Variants in RNASEH2A observed in about 807,000 individuals in gnomAD.
RNASEH2A encodes the protein ribonuclease H2 subunit A.
RNASEH2A carries 30 observed loss-of-function variants against 32.7 expected under a neutral mutation model. The ratio of observed to expected loss-of-function variants is 0.92; its 90% CI spans 0.69 to 1.25. RNASEH2A has a LOEUF of 1.25. Ranked by LOEUF, RNASEH2A falls within the 50% of genes most tolerant of loss-of-function variation. The pLI is 0.00. For synonymous variants in RNASEH2A, 147 were observed against 165.4 expected (o/e 0.89, Z 0.86); for missense variants, 409 against 398.1 (o/e 1.03, Z -0.23).
intron 2 of RNASEH2A, 26 bp downstream of exon 2, chr19:12,807,105 A>C (rs917072214): frequency 1.1e-5 from 17 of 1,613,830 alleles, no homozygotes; most frequent in Non-Finnish European, 1.4e-5. Context: ...GCGTCTGGGG[A>C]AGGGATTCCT....
At chr19:12,809,237 A>G (rs1270941799) in intron 4 of RNASEH2A, among the ~76,000 whole-genome samples, 1 of 152,182 alleles carries the variant, frequency 6.6e-6, no homozygotes, top group Non-Finnish European at 1.5e-5. Context: ...AAAATAAAAC[A>G]TGAAAGATGG....
intron 4 of RNASEH2A, among the ~76,000 whole-genome samples, chr19:12,809,099 G>T (rs1969036564): frequency 6.6e-6 from 1 of 152,110 alleles, no homozygotes; most frequent in South Asian, 2.1e-4. Context: ...TGGAGGTTGG[G>T]CGCAGTAGCT....
rs769446763 is a variant in RNASEH2A, at chr19:12,813,506, A to C, written c.*40A>C. ...CGCTCTACCTGCTTCCCCAACCCAGACATTAAAATTGTTTAAGGAGAACCA... is the reference window on the plus strand; with the variant it reads ...CGCTCTACCTGCTTCCCCAACCCAGCCATTAAAATTGTTTAAGGAGAACCA... On this transcript the variant is annotated 3_prime_UTR_variant, in exon 8 of 8. Coordinates refer to ENST00000221486, the MANE Select transcript of RNASEH2A (RefSeq NM_006397.3). 6.2e-7 allele frequency: 1 copy of C among 1,608,940 alleles called. No homozygotes were observed. Among genetic ancestry groups the C allele is most frequent in the Admixed American group, 1.7e-5 (1 of 59,976 alleles).
chr19:12,808,003 C>T (rs151089300), intron 4 of RNASEH2A: 16 of 201,988 alleles, frequency 7.9e-5, no homozygotes, highest in Admixed American at 1.1e-4. Flanking sequence ...GTAATCCCAG[C>T]GTTTCAGGAG....
chr19:12,806,875 A>T (rs764243671), intron 1 of RNASEH2A, 75 bp downstream of exon 1: 3 of 1,596,898 alleles, frequency 1.9e-6, no homozygotes, highest in African/African-American at 1.3e-5. Flanking sequence ...ATTGCACTGC[A>T]CCAAGGGAGG....
At chr19:12,808,846 G>C (rs1421473576) in intron 4 of RNASEH2A, among the ~76,000 whole-genome samples, 1 of 152,168 alleles carries the variant, frequency 6.6e-6, no homozygotes, top group East Asian at 1.9e-4. Flanking sequence ...CCAGCACTTT[G>C]GGAAGCTGAG....
Position 12,813,081 on chromosome 19 carries a change from AG to A in RNASEH2A, c.638-1del, listed in dbSNP as rs1260447240. On this transcript the variant is annotated splice_acceptor_variant, in intron 6 of 7. Coordinates refer to ENST00000221486, the MANE Select transcript of RNASEH2A (RefSeq NM_006397.3). LOFTEE classifies it high-confidence loss of function. The stretch of plus-strand genomic sequence containing the variant: ...CTGTCACCATTGCCCACCCTACCCC[AG>A]ATCCCAAGACAAAAGCGTGGTTGAA... The A allele has an allele frequency of 1.9e-6, 3 of 1,613,916 alleles. No homozygotes were observed. The South Asian group carries it at 3.3e-5, about 18-fold the overall frequency.
chr19:12,811,366 T>C (rs1969068472), intron 6 of RNASEH2A, among the ~76,000 whole-genome samples: 1 of 151,890 alleles, frequency 6.6e-6, no homozygotes, highest in Admixed American at 6.6e-5. Context: ...TCCCAGCACT[T>C]TGGGAAGCTG....
chr19:12,807,609 C>A, intron 4 of RNASEH2A, 103 bp downstream of exon 4: 2 of 993,942 alleles, frequency 2.0e-6, no homozygotes, highest in Non-Finnish European at 3.2e-6. Context: ...CACAGCACTC[C>A]ATCCTGGGTG....
rs1218725412 is a variant in RNASEH2A, at chr19:12,810,137, A to G, written c.478A>G (p.Ile160Val). ...QARLQQSFPG[I>V]EVTVKAKADA... is the part of the protein sequence containing the mutation. ...GCGGCTGCAGCAAAGTTTTCCCGGG[A>G]TTGAGGTGACGGTCAAGGCCAAAGC... The change falls in exon 5 of 8, where the codon ATT (isoleucine) becomes GTT (valine). Residue 160 changes from isoleucine to valine, a missense_variant. Ile to Val is a conservative substitution (Grantham distance 29). Coordinates refer to ENST00000221486, the MANE Select transcript of RNASEH2A (RefSeq NM_006397.3). 6.2e-7 allele frequency: 1 copy of G among 1,614,002 alleles called. No homozygotes were observed. The highest frequency in any genetic ancestry group is 8.5e-7 in the Non-Finnish European group (1 of 1,180,042).
chr19:12,809,140 C>T (rs961600465), intron 4 of RNASEH2A, among the ~76,000 whole-genome samples: 1 of 151,932 alleles, frequency 6.6e-6, no homozygotes, highest in Non-Finnish European at 1.5e-5. Context: ...TTTGGGAGGC[C>T]GAGGCGGGCG....
intron 4 of RNASEH2A, chr19:12,807,932 A>AAAAAAAT (rs370390192): frequency 3.2e-5 from 7 of 220,820 alleles, no homozygotes; most frequent in African/African-American, 7.0e-5. Flanking sequence ...ACCCTGTCTC[A>AAAAAAAT]AAAAAATAAA....
chr19:12,807,400 GC>G lies in RNASEH2A; in HGVS notation c.324-18del. 4.3e-6 allele frequency: 7 copies of G among 1,614,070 alleles called. No individual in the cohort carries two copies. The highest frequency in any genetic ancestry group is 5.9e-6 in the Non-Finnish European group (7 of 1,179,978). On this transcript the variant is annotated intron_variant, in intron 3 of 7. Transcript: ENST00000221486. The stretch of plus-strand genomic sequence containing the variant: ...TTGTTCCTAGAATGAGATTAACTGG[GC>G]TCTGTTCCCCACCACAGGGTCAAAT...
intron 4 of RNASEH2A, among the ~76,000 whole-genome samples, chr19:12,809,153 T>C (rs1243479167): frequency 6.6e-6 from 1 of 152,000 alleles, no homozygotes; most frequent in African/African-American, 2.4e-5. Flanking sequence ...GGCGGGCGGA[T>C]CATCAGGTCA....
intron 4 of RNASEH2A, among the ~76,000 whole-genome samples, chr19:12,808,728 G>T (rs749693714): frequency 3.3e-5 from 5 of 152,188 alleles, no homozygotes; most frequent in Non-Finnish European, 7.3e-5. Flanking sequence ...AATCAGCATT[G>T]CCTCGAATGC....
chr19:12,811,297 T>G (rs1032379895), intron 6 of RNASEH2A, among the ~76,000 whole-genome samples: 5 of 152,114 alleles, frequency 3.3e-5, no homozygotes, highest in Non-Finnish European at 5.9e-5. Context: ...AGACCCAAGG[T>G]GGGCATTTGT....
intron 6 of RNASEH2A, 48 bp downstream of exon 6, chr19:12,810,452 G>A: frequency 6.9e-7 from 1 of 1,448,940 alleles, no homozygotes; most frequent in Non-Finnish European, 9.7e-7. Context: ...GGCCAGGGCT[G>A]AGCACACTTC....
intron 4 of RNASEH2A, among the ~76,000 whole-genome samples, chr19:12,808,516 C>T (rs1015601905): frequency 6.6e-6 from 1 of 152,036 alleles, no homozygotes; most frequent in Non-Finnish European, 1.5e-5. Context: ...GGACACCCCC[C>T]ACTCCCTGGA....
At position 12,809,758 on chromosome 19, in the gene RNASEH2A, T is replaced by A. The variant is rs115191768; in HGVS notation, c.412-313T>A. Among the ~76,000 whole-genome samples, 10,048 of 151,606 alleles carry A rather than the reference T, an allele frequency of 0.066. 519 individuals are homozygous for A. The highest frequency in any genetic ancestry group is 0.15 in the African/African-American group (5,994 of 41,248). ...AGAGAAAGCCTCTTCAGGAGGTGAG[T>A]TTTTTCTTTATTTTATTGTATTTAT... On this transcript the variant is annotated intron_variant, in intron 4 of 7. Transcript: ENST00000221486.
Sources: allele counts gnomAD v4.1 joint callset (sites outside exome capture counted in the v4.1 genomes callset), GRCh38; gene constraint gnomAD v4.1.1; transcripts MANE v1.5; gene names NCBI Gene and HGNC (gene_info 2026-07-23, HGNC 2026-07-21).